Variants in TPR observed in about 807,000 individuals in gnomAD.
TPR encodes the protein translocated promoter region, nuclear basket protein.
TPR carries 51 observed loss-of-function variants against 316.1 expected under a neutral mutation model. The observed-to-expected ratio is 0.16, with a 90% confidence interval of 0.13 to 0.20. TPR has a LOEUF of 0.20. Among genes scored for constraint, TPR ranks in the 10% least tolerant of loss-of-function variants. The pLI is 1.00. For missense variants in TPR, 2,272 were observed against 2,754.8 expected, an observed-to-expected ratio of 0.82 and a Z score of 3.92; for synonymous variants, 981 against 914.7, an observed-to-expected ratio of 1.07 and a Z score of -1.31.
At chr1:186,335,775 A>T (rs962381505) in intron 33 of TPR, among the ~76,000 whole-genome samples, 3 of 152,060 alleles carry the variant, frequency 2.0e-5, no homozygotes, top group Admixed American at 6.6e-5. Context: ...TTCCTAACTA[A>T]AATCTCAAAA....
chr1:186,369,824 G>C (rs1427075376), intron 3 of TPR, among the ~76,000 whole-genome samples: 2 of 151,924 alleles, frequency 1.3e-5, no homozygotes, highest in African/African-American at 2.4e-5. Context: ...TTGGATCTTA[G>C]TGAAAAAGCT....
intron 27 of TPR, 151 bp from the exon 28 acceptor site, chr1:186,341,540 TTC>T (rs1431116561): frequency 9.3e-6 from 7 of 748,886 alleles, no homozygotes; most frequent in Non-Finnish European, 1.2e-5. Flanking sequence ...ACGTTTACTT[TTC>T]TGTGAGGCAT....
rs773391998 is a variant in TPR at position 186,357,534 on chromosome 1, T to A, written c.1587A>T (p.Ser529=). 1.9e-6 allele frequency: 3 copies of A among 1,614,016 alleles called. No homozygotes were observed. Among genetic ancestry groups the A allele is most frequent in the Admixed American group, 1.7e-5 (1 of 59,978 alleles). Reference sequence around the variant, plus strand: ...CTAGATGCTGTGATATTACCTCAGATGAACTACTTATATCAGCAGAGCTTA... The same window carrying A: ...CTAGATGCTGTGATATTACCTCAGAAGAACTACTTATATCAGCAGAGCTTA... ...EEVSSADISS[S]SEVISQHLVS... is the part of the protein sequence containing the mutation. The change falls in exon 14 of 51, where the codon TCA becomes TCT. Residue 529 remains serine, a synonymous_variant. Coordinates refer to ENST00000367478, the MANE Select transcript of TPR (RefSeq NM_003292.3).
chr1:186,323,643 T>G (rs774221434), intron 43 of TPR, 43 bp downstream of exon 43: 3 of 1,409,242 alleles, frequency 2.1e-6, no homozygotes, highest in Non-Finnish European at 9.3e-7. Flanking sequence ...AAGCCAAGAT[T>G]TTTTTCAAGT....
chr1:186,320,219 C>A (rs761764382), intron 46 of TPR, 93 bp downstream of exon 46: 34 of 1,035,108 alleles, frequency 3.3e-5, no homozygotes, highest in Non-Finnish European at 4.6e-5. Flanking sequence ...TAAAAATATT[C>A]ATATTTGCTC....
chr1:186,358,671 T>C, intron 12 of TPR, 21 bp from the exon 13 acceptor site: 5 of 1,601,528 alleles, frequency 3.1e-6, no homozygotes, highest in Non-Finnish European at 4.3e-6. Flanking sequence ...TAAATTCAAG[T>C]GAAAATTTTG....
At chr1:186,355,181 A>G (rs1658986835) in intron 17 of TPR, among the ~76,000 whole-genome samples, 1 of 152,202 alleles carries the variant, frequency 6.6e-6, no homozygotes, top group Non-Finnish European at 1.5e-5. Flanking sequence ...CTGGGATTAC[A>G]GGCGTGAGCT....
Position 186,314,002 on chromosome 1 carries a change from C to T in TPR, c.7061G>A (p.Arg2354Lys). 1 of 1,611,714 alleles carries T rather than the reference C, an allele frequency of 6.2e-7. No homozygotes were observed. ...AATATTTCCTCTGTTTATTCCTCCT[C>T]TCCCTCCCATTGCATGGCTCACACC... ...QRGVSHAMGG[R>K]GGINRGNIN is the part of the protein sequence containing the mutation. The change falls in exon 51 of 51, where the codon AGA becomes AAA. Residue 2354 changes from arginine (R) to lysine (K), a missense_variant. Transcript: ENST00000367478.
At chr1:186,322,694 C>A in intron 43 of TPR, 108 bp from the exon 44 acceptor site, 1 of 1,108,790 alleles carries the variant, frequency 9.0e-7, no homozygotes, top group Non-Finnish European at 1.3e-6. Context: ...AAATAGTTAG[C>A]AGACAGGTAA....
intron 4 of TPR, among the ~76,000 whole-genome samples, chr1:186,364,194 T>C (rs1197245760): frequency 6.6e-6 from 1 of 152,190 alleles, no homozygotes; most frequent in Non-Finnish European, 1.5e-5. Flanking sequence ...CCATAAACCT[T>C]GAATAACAAC....
chr1:186,343,805 A>G, intron 26 of TPR, 101 bp downstream of exon 26: 7 of 1,069,642 alleles, frequency 6.5e-6, no homozygotes, highest in East Asian at 2.6e-5. Context: ...AATGAACTTT[A>G]TATCAAAATC....
intron 21 of TPR, among the ~76,000 whole-genome samples, chr1:186,349,659 CAAAAAA>C (rs71104853): frequency 6.8e-6 from 1 of 146,550 alleles, no homozygotes; most frequent in Non-Finnish European, 1.5e-5. Context: ...GACTCTCTCT[CAAAAAA>C]AAAAAAAAAA....
chr1:186,360,687 C>A (rs1450652513), intron 10 of TPR, 78 bp downstream of exon 10: 4 of 1,564,934 alleles, frequency 2.6e-6, no homozygotes, highest in Non-Finnish European at 3.5e-6. Flanking sequence ...CAGATAAATA[C>A]TATTAGTGAA....
At chr1:186,347,489 A>T (rs1571622262) in intron 21 of TPR, 31 bp from the exon 22 acceptor site, 1 of 1,605,886 alleles carries the variant, frequency 6.2e-7, no homozygotes, top group East Asian at 2.2e-5. Flanking sequence ...GTTAAAATTA[A>T]CATTTTCAAT....
Position 186,311,709 on chromosome 1 carries a change from A to G in TPR, c.*2262T>C. On this transcript the variant is annotated 3_prime_UTR_variant, in exon 51 of 51. Transcript: ENST00000367478. ...ATATCTTTAATGGCTGAAATCAAAT[A>G]TTTTCAGTGAAAAAAATCAATATTG... 1 of 1,168,474 alleles carries G rather than the reference A, an allele frequency of 8.6e-7. No individual in the cohort carries two copies. The highest frequency in any genetic ancestry group is 1.2e-6 in the Non-Finnish European group (1 of 809,508). The allele number at this position is 1,168,474 out of a possible 1,614,324, so 72.4% of individuals were successfully genotyped here.
chr1:186,341,068 A>T lies in TPR; in HGVS notation c.3980T>A (p.Leu1327His). The T allele has an allele frequency of 6.2e-7, 1 of 1,614,018 alleles. No individual in the cohort carries two copies. Residue 1327 changes from leucine to histidine, a missense_variant, in exon 29 of 51, where the codon CTC becomes CAC. Around this residue, in one of 10 missense-constraint regions of TPR, gnomAD observed 96 missense variants for 134.6 expected, o/e 0.71. Transcript: ENST00000367478. ...KSGMLQAEKKLLEEDVKRWKA... is the reference protein window; with the variant it reads ...KSGMLQAEKKHLEEDVKRWKA... The stretch of plus-strand genomic sequence containing the variant: ...CCAACGTTTGACATCCTCTTCTAAG[A>T]GCTTCTTCTCTGCCTGCAACATACC...
At chr1:186,358,434 A>G in intron 13 of TPR, 109 bp downstream of exon 13, 1 of 761,344 alleles carries the variant, frequency 1.3e-6, no homozygotes, top group Non-Finnish European at 2.1e-6. Flanking sequence ...TTCCTAATTA[A>G]TTAGAATTTC....
In TPR at chr1:186,335,596, A is replaced by G. The variant is rs551048085; in HGVS notation, c.4706-53T>C. Reference sequence around the variant, plus strand: ...AATATTATAATCAAACATTTAAAACAGCATTTATGCACTTAATTGGCACAT... The same window carrying G: ...AATATTATAATCAAACATTTAAAACGGCATTTATGCACTTAATTGGCACAT... On this transcript the variant is annotated intron_variant, in intron 33 of 50. Coordinates refer to ENST00000367478, the MANE Select transcript of TPR (RefSeq NM_003292.3). 9.8e-5 allele frequency: 140 copies of G among 1,427,504 alleles called. 1 individual carries two copies. In the Admixed American group the frequency reaches 2.9e-3, roughly 30 times the overall value. The allele number at this position is 1,427,504 out of a possible 1,614,324, so 88.4% of individuals were successfully genotyped here.
chr1:186,333,717 A>C (rs149736050), intron 36 of TPR, among the ~76,000 whole-genome samples: 91 of 152,300 alleles, frequency 6.0e-4, no homozygotes, highest in African/African-American at 2.2e-3. Context: ...TTAGTTTTTA[A>C]TTGATATAAC....
Sources: gnomAD v4.1 joint callset for allele counts (sites outside exome capture counted in the v4.1 genomes callset) on GRCh38, gnomAD v4.1.1 for gene constraint, gnomAD v4.1.1 regional missense constraint, MANE v1.5 for transcripts, NCBI Gene and HGNC (gene_info 2026-07-23, HGNC 2026-07-21) for gene names.